Variants in NCKAP5 observed in about 807,000 individuals in gnomAD.
The protein encoded by NCKAP5 is nck-associated protein 5.
In NCKAP5, 92 loss-of-function variants were observed where a neutral mutation model predicts 167.0. That is an observed-to-expected ratio of 0.55 (90% CI 0.47 to 0.66). The LOEUF is 0.66. Among genes scored for constraint, NCKAP5 ranks in the 30% least tolerant of loss-of-function variants. The pLI is 0.00. For missense variants in NCKAP5, 2,378 were observed against 2,315.0 expected, an observed-to-expected ratio of 1.03 and a Z score of -0.56; for synonymous variants, 891 against 877.4, an observed-to-expected ratio of 1.02 and a Z score of -0.27.
chr2:133,128,268 G>A (rs567321482), intron 6 of NCKAP5, among the ~76,000 whole-genome samples: 14 of 152,320 alleles, frequency 9.2e-5, no homozygotes, highest in African/African-American at 3.1e-4. Context: ...CTCAAACATG[G>A]ATACTGCCTG....
At chr2:133,314,835 A>G (rs1252910436) in intron 3 of NCKAP5, among the ~76,000 whole-genome samples, 1 of 152,162 alleles carries the variant, frequency 6.6e-6, no homozygotes, top group African/African-American at 2.4e-5. Flanking sequence ...GTGGAGGAAG[A>G]CCACACTGAA....
chr2:133,080,318 T>G (rs1334371328), intron 6 of NCKAP5, among the ~76,000 whole-genome samples: 1 of 152,180 alleles, frequency 6.6e-6, no homozygotes, highest in Non-Finnish European at 1.5e-5. Context: ...GAATGATATT[T>G]CTTCCTTGAA....
intron 19 of NCKAP5, among the ~76,000 whole-genome samples, chr2:132,694,534 T>G (rs1180615428): frequency 1.3e-5 from 2 of 152,168 alleles, no homozygotes; most frequent in Non-Finnish European, 2.9e-5. Context: ...CTAGTAAAAT[T>G]TGAAAATGCT....
chr2:133,636,745 T>C, the NCKAP5 span, among the ~76,000 whole-genome samples: 2 of 152,112 alleles, frequency 1.3e-5, no homozygotes, highest in Non-Finnish European at 2.9e-5. Flanking sequence ...TAACTTCTAA[T>C]GGAATTGTCC....
intron 2 of NCKAP5, among the ~76,000 whole-genome samples, chr2:133,556,583 T>A (rs10180776): frequency 0.018 from 2,765 of 152,226 alleles, 91 homozygotes; most frequent in African/African-American, 0.062. Flanking sequence ...AATACTCATC[T>A]TCCCTTCTCT....
intron 7 of NCKAP5, among the ~76,000 whole-genome samples, chr2:132,992,788 A>T (rs928127375): frequency 6.6e-6 from 1 of 152,152 alleles, no homozygotes; most frequent in Non-Finnish European, 1.5e-5. Context: ...CTAGAAATTG[A>T]TCTTAGTGAT....
intron 2 of NCKAP5, among the ~76,000 whole-genome samples, chr2:133,547,243 G>C (rs1033234365): frequency 1.3e-5 from 2 of 152,076 alleles, no homozygotes; most frequent in Non-Finnish European, 2.9e-5. Context: ...ACGGAGTCTC[G>C]CTGACTGCTA....
intron 4 of NCKAP5, among the ~76,000 whole-genome samples, chr2:133,292,882 T>C (rs993512827): frequency 2.0e-5 from 3 of 152,212 alleles, no homozygotes; most frequent in African/African-American, 4.8e-5. Flanking sequence ...CAGTGGTTTA[T>C]TTATTAACTA....
At chr2:132,704,935 C>T (rs1346431698) in intron 19 of NCKAP5, among the ~76,000 whole-genome samples, 1 of 152,170 alleles carries the variant, frequency 6.6e-6, no homozygotes, top group African/African-American at 2.4e-5. Flanking sequence ...AGTCCATTCC[C>T]TCTCCTCCTT....
intron 3 of NCKAP5, among the ~76,000 whole-genome samples, chr2:133,303,455 G>T (rs868592567): frequency 1.6e-4 from 24 of 152,052 alleles, no homozygotes; most frequent in African/African-American, 4.8e-4. Flanking sequence ...AAAGAAAATA[G>T]ACAAAACAGT....
chr2:133,498,410 A>T (rs1351306087), intron 3 of NCKAP5, among the ~76,000 whole-genome samples: 1 of 150,296 alleles, frequency 6.7e-6, no homozygotes, highest in Non-Finnish European at 1.5e-5. Context: ...AAAAGGGAGG[A>T]GGAAGGGAAA....
chr2:133,275,345 C>T (rs550753238), intron 4 of NCKAP5, among the ~76,000 whole-genome samples: 2 of 151,976 alleles, frequency 1.3e-5, no homozygotes, highest in Non-Finnish European at 2.9e-5. Flanking sequence ...TGTTCGTACT[C>T]TGTGACATAG....
chr2:132,762,732 C>G (rs16840849), intron 16 of NCKAP5, among the ~76,000 whole-genome samples: 24,320 of 152,194 alleles, frequency 0.16, 2,363 homozygotes, highest in East Asian at 0.3. Context: ...TTCTCAGTTC[C>G]ATGGCAAGAA....
chr2:133,333,786 T>A (rs1683030892), intron 3 of NCKAP5: 1 of 152,234 alleles, frequency 6.6e-6, no homozygotes, highest in South Asian at 2.1e-4. Flanking sequence ...AGTGAGGGAC[T>A]GCACTGGGTG....
chr2:133,270,309 T>TA (rs1164419814), intron 4 of NCKAP5, among the ~76,000 whole-genome samples: 2 of 152,094 alleles, frequency 1.3e-5, no homozygotes, highest in Non-Finnish European at 1.5e-5. Context: ...AACTAAACCT[T>TA]AAAAAAATTA....
intron 3 of NCKAP5, among the ~76,000 whole-genome samples, chr2:133,453,583 TATTC>T (rs1691675860): frequency 6.6e-6 from 1 of 152,112 alleles, no homozygotes; most frequent in Non-Finnish European, 1.5e-5. Context: ...AAATAAGGGT[TATTC>T]ATTCAGTGGA....
intron 3 of NCKAP5, among the ~76,000 whole-genome samples, chr2:133,367,411 T>C (rs1205258594): frequency 6.6e-6 from 1 of 152,214 alleles, no homozygotes; most frequent in Non-Finnish European, 1.5e-5. Flanking sequence ...AAGATTTTAT[T>C]TGAATATGCT....
At chr2:133,579,345 AAAG>A in the NCKAP5 span, among the ~76,000 whole-genome samples, 4 of 152,222 alleles carry the variant, frequency 2.6e-5, no homozygotes, top group African/African-American at 7.2e-5. Flanking sequence ...TAATGAAACT[AAAG>A]AAGGAGGTTT....
At chr2:133,093,858 A>C (rs906041580) in intron 6 of NCKAP5, among the ~76,000 whole-genome samples, 8 of 152,248 alleles carry the variant, frequency 5.3e-5, no homozygotes, top group Non-Finnish European at 8.8e-5. Flanking sequence ...TTCACAATGT[A>C]TAACCAGTGA....
Sources: allele counts gnomAD v4.1 joint callset (sites outside exome capture counted in the v4.1 genomes callset), GRCh38; gene constraint gnomAD v4.1.1; transcripts MANE v1.5; gene names NCBI Gene and HGNC (gene_info 2026-07-23, HGNC 2026-07-21).